THRAP3: variants seen among roughly 807,000 people sequenced by gnomAD.
The protein encoded by THRAP3 is thyroid hormone receptor-associated protein 3.
In THRAP3, 16 loss-of-function variants were observed where a neutral mutation model predicts 101.0. The ratio of observed to expected loss-of-function variants is 0.16; its 90% CI spans 0.11 to 0.24. The LOEUF is 0.24. Ranked by LOEUF, THRAP3 falls within the 10% of genes least tolerant of loss-of-function variation. THRAP3 has a pLI of 1.00. For missense variants in THRAP3, 989 were observed against 1,202.7 expected (o/e 0.82, Z 2.63); for synonymous variants, 407 against 422.6 (o/e 0.96, Z 0.45).
At chr1:36,262,764 C>CTATTT (rs142373623) in intron 2 of THRAP3, among the ~76,000 whole-genome samples, 26,826 of 149,516 alleles carry the variant, frequency 0.18, 2,863 homozygotes, top group Non-Finnish European at 0.24. Context: ...AGTAATGCTT[C>CTATTT]TATTTTATTT....
intron 5 of THRAP3, among the ~76,000 whole-genome samples, chr1:36,290,346 C>T (rs995269093): frequency 2.0e-5 from 3 of 151,984 alleles, no homozygotes; most frequent in African/African-American, 4.8e-5. Context: ...CAGGCCTCCA[C>T]GCCCAGCTAA....
At chr1:36,280,354 A>G (rs1645715239) in intron 2 of THRAP3, among the ~76,000 whole-genome samples, 1 of 152,228 alleles carries the variant, frequency 6.6e-6, no homozygotes, top group African/African-American at 2.4e-5. Flanking sequence ...TAGAGCTTAC[A>G]TTCTAATTAA....
At chr1:36,242,702 C>T (rs1453031116) in intron 1 of THRAP3, among the ~76,000 whole-genome samples, 7 of 152,012 alleles carry the variant, frequency 4.6e-5, no homozygotes, top group Admixed American at 3.3e-4. Flanking sequence ...CCGCCTGCCT[C>T]GCCCTCCCAA....
chr1:36,262,959 ATTTTTTT>A lies in THRAP3; in HGVS notation c.-32+3493_-32+3499del, dbSNP rs55662646. On this transcript the variant is annotated intron_variant, in intron 2 of 11. Coordinates refer to ENST00000354618, the MANE Select transcript of THRAP3 (RefSeq NM_005119.4). ...AGGCGCCCGCCACCAGGGCCGGCTAATTTTTTTTTTTTTTTTTTTTTTTTGTATTTTC... is the reference window on the plus strand; with the variant it reads ...AGGCGCCCGCCACCAGGGCCGGCTAATTTTTTTTTTTTTTTTTGTATTTTC... Among the ~76,000 whole-genome samples, 190 of 104,366 alleles carry A rather than the reference ATTTTTTT, an allele frequency of 1.8e-3. 1 individual carries two copies. In the East Asian group the frequency reaches 0.018, roughly 10 times the overall value. The allele number at this position is 104,366 out of a possible 152,430, so 68.5% of individuals were successfully genotyped here.
intron 1 of THRAP3, among the ~76,000 whole-genome samples, chr1:36,251,378 G>A (rs753924094): frequency 5.3e-5 from 8 of 152,172 alleles, no homozygotes; most frequent in Admixed American, 2.0e-4. Flanking sequence ...TGCACAGCCC[G>A]AGAGCATGAG....
chr1:36,212,393 T>A, the THRAP3 span, among the ~76,000 whole-genome samples: 180 of 151,536 alleles, frequency 1.2e-3, 1 homozygote, highest in African/African-American at 4.1e-3. Flanking sequence ...GAGGGATAGC[T>A]TTTCTTTTTT....
chr1:36,255,331 A>G (rs1645359015), intron 1 of THRAP3, among the ~76,000 whole-genome samples: 1 of 152,184 alleles, frequency 6.6e-6, no homozygotes, highest in Admixed American at 6.5e-5. Context: ...GTAGTTCTCA[A>G]TAAAAGATTG....
chr1:36,281,842 G>A (rs910351985), intron 2 of THRAP3, among the ~76,000 whole-genome samples: 3 of 151,928 alleles, frequency 2.0e-5, no homozygotes, highest in Admixed American at 6.6e-5. Context: ...AGGCCGAGCC[G>A]GGCAGATTAC....
At chr1:36,270,586 T>A (rs1344651680) in intron 2 of THRAP3, among the ~76,000 whole-genome samples, 1 of 148,054 alleles carries the variant, frequency 6.8e-6, no homozygotes, top group African/African-American at 2.5e-5. Context: ...TGTTTTTTTT[T>A]TTTTTTTTGA....
At chr1:36,245,312 C>A (rs1321160513) in intron 1 of THRAP3, among the ~76,000 whole-genome samples, 1 of 151,624 alleles carries the variant, frequency 6.6e-6, no homozygotes, top group African/African-American at 2.4e-5. Context: ...GATTACAGGC[C>A]TGCGCCATCA....
At chr1:36,267,042 G>A (rs565719905) in intron 2 of THRAP3, among the ~76,000 whole-genome samples, 9 of 151,996 alleles carry the variant, frequency 5.9e-5, no homozygotes, top group African/African-American at 1.4e-4. Context: ...CAACACGCCC[G>A]GCTAAATTTT....
intron 2 of THRAP3, among the ~76,000 whole-genome samples, chr1:36,262,376 A>G (rs528157370): frequency 6.6e-6 from 1 of 152,382 alleles, no homozygotes; most frequent in East Asian, 1.9e-4. Flanking sequence ...ATGGCCTGCC[A>G]CATTCCAAAC....
chr1:36,243,971 G>A (rs1376101939), intron 1 of THRAP3, among the ~76,000 whole-genome samples: 2 of 143,320 alleles, frequency 1.4e-5, no homozygotes, highest in African/African-American at 5.2e-5. Context: ...CGGGCGGGGG[G>A]CTGAACCCCC....
At chr1:36,271,700 TCTC>T (rs2124539404) in intron 2 of THRAP3, among the ~76,000 whole-genome samples, 1 of 149,726 alleles carries the variant, frequency 6.7e-6, no homozygotes, top group Admixed American at 6.8e-5. Flanking sequence ...TTCAAGCAAT[TCTC>T]CTGCCTCAGC....
chr1:36,288,755 T>G, intron 4 of THRAP3: 1 of 985,458 alleles, frequency 1.0e-6, no homozygotes, highest in Non-Finnish European at 1.2e-6. Flanking sequence ...ACATTACAGG[T>G]AAGTAGGTTT....
intron 3 of THRAP3, among the ~76,000 whole-genome samples, chr1:36,283,217 CTT>C (rs1452328349): frequency 1.3e-5 from 2 of 152,174 alleles, no homozygotes; most frequent in Non-Finnish European, 2.9e-5. Context: ...TATCTTAAAA[CTT>C]TTTAAAAATC....
intron 1 of THRAP3, among the ~76,000 whole-genome samples, chr1:36,239,062 T>C (rs565499998): frequency 6.6e-6 from 1 of 151,972 alleles, no homozygotes; most frequent in African/African-American, 2.4e-5. Flanking sequence ...GCCTCCCAAG[T>C]AGCTGGGAGT....
chr1:36,262,005 C>T (rs546589298), intron 2 of THRAP3, among the ~76,000 whole-genome samples: 40 of 152,160 alleles, frequency 2.6e-4, no homozygotes, highest in East Asian at 1.7e-3. Flanking sequence ...ATATAATCAT[C>T]GTTGTTCTCA....
intron 1 of THRAP3, among the ~76,000 whole-genome samples, chr1:36,248,925 T>C (rs151124391): frequency 0.084 from 12,713 of 150,926 alleles, 753 homozygotes; most frequent in Middle Eastern, 0.24. Flanking sequence ...TTGGAGACAG[T>C]GTCTTGCTCT....
Sources: allele counts gnomAD v4.1 joint callset (sites outside exome capture counted in the v4.1 genomes callset), GRCh38; gene constraint gnomAD v4.1.1; transcripts MANE v1.5; gene names NCBI Gene and HGNC (gene_info 2026-07-23, HGNC 2026-07-21).